Variants in ADAMTS2 observed in about 807,000 individuals in gnomAD.
ADAMTS2 encodes A disintegrin and metalloproteinase with thrombospondin motifs 2.
In ADAMTS2, 50 loss-of-function variants were observed where a neutral mutation model predicts 123.0. The observed-to-expected ratio is 0.41, with a 90% CI of 0.32 to 0.51. ADAMTS2 has a LOEUF of 0.51. Among genes scored for constraint, ADAMTS2 ranks in the 20% least tolerant of loss-of-function variants. The pLI is 0.35. For missense variants in ADAMTS2, 1,494 were observed against 1,705.2 expected (o/e 0.88, Z 2.18); for synonymous variants, 678 against 695.4 (o/e 0.98, Z 0.39).
chr5:179,227,137 A>G (rs1260901433), intron 3 of ADAMTS2, among the ~76,000 whole-genome samples: 1 of 152,232 alleles, frequency 6.6e-6, no homozygotes, highest in Non-Finnish European at 1.5e-5. Context: ...GTATATATAT[A>G]TACTTGTGTG....
intron 21 of ADAMTS2, chr5:179,120,603 T>C (rs913926968): frequency 1.4e-4 from 22 of 151,898 alleles, no homozygotes; most frequent in African/African-American, 5.1e-4. Flanking sequence ...GGAGGAGTGC[T>C]ACATGGATCG....
chr5:179,266,030 C>A (rs966192275), intron 3 of ADAMTS2, among the ~76,000 whole-genome samples: 2 of 152,196 alleles, frequency 1.3e-5, no homozygotes, highest in Non-Finnish European at 2.9e-5. Flanking sequence ...GCACCTATCA[C>A]CACGCCAGAG....
At position 179,341,073 on chromosome 5, in the gene ADAMTS2, G is replaced by A. The variant is rs556682561; in HGVS notation, c.534+2694C>T. On this transcript the variant is annotated intron_variant, in intron 2 of 21. Transcript: ENST00000251582. Reference sequence around the variant, plus strand: ...CTCCCAGAGCCTGAGTGCTCCACCTGTAACCAGGGATGAGATGCCTCCCCG... The same window carrying A: ...CTCCCAGAGCCTGAGTGCTCCACCTATAACCAGGGATGAGATGCCTCCCCG... 8.5e-5 allele frequency among the ~76,000 whole-genome samples: 13 copies of A among 152,286 alleles called. No individual in the cohort carries two copies. In the South Asian group the frequency reaches 2.3e-3, roughly 27 times the overall value.
chr5:179,315,044 C>CG (rs1193391172), intron 2 of ADAMTS2, among the ~76,000 whole-genome samples: 1 of 150,900 alleles, frequency 6.6e-6, no homozygotes, highest in Non-Finnish European at 1.5e-5. Context: ...ACCCACCCCC[C>CG]CCACAATCCC....
At chr5:179,284,662 C>A (rs543798817) in intron 2 of ADAMTS2, among the ~76,000 whole-genome samples, 1 of 152,304 alleles carries the variant, frequency 6.6e-6, no homozygotes, top group South Asian at 2.1e-4. Flanking sequence ...GCTGGGATTA[C>A]AGGTGTGAAC....
intron 6 of ADAMTS2, among the ~76,000 whole-genome samples, chr5:179,156,954 A>AT (rs1763482955): frequency 6.1e-5 from 6 of 98,988 alleles, no homozygotes; most frequent in South Asian, 3.3e-4. Context: ...CTGTCCTTTC[A>AT]TTTTTTCTTT....
chr5:179,148,932 C>T (rs756824902), intron 10 of ADAMTS2, among the ~76,000 whole-genome samples: 1 of 145,224 alleles, frequency 6.9e-6, no homozygotes, highest in Non-Finnish European at 1.5e-5. Context: ...AGGCCTGGCT[C>T]CCGGCCCCTG....
At chr5:179,174,245 AT>A (rs970844572) in intron 5 of ADAMTS2, among the ~76,000 whole-genome samples, 2 of 151,828 alleles carry the variant, frequency 1.3e-5, no homozygotes, top group East Asian at 1.9e-4. Context: ...AGCCACTTGG[AT>A]TTTTTTCTTT....
intron 2 of ADAMTS2, among the ~76,000 whole-genome samples, chr5:179,284,892 G>A (rs567272988): frequency 6.6e-6 from 1 of 152,258 alleles, no homozygotes; most frequent in East Asian, 1.9e-4. Context: ...TGTGCCAAAC[G>A]TCAGCACAGT....
At chr5:179,212,228 AGTGGGCAGGCACGGGCTCT>A (rs1474093291) in intron 3 of ADAMTS2, among the ~76,000 whole-genome samples, 2,770 of 150,128 alleles carry the variant, frequency 0.018, 168 homozygotes, top group African/African-American at 0.062. Flanking sequence ...GGGCAGGTGC[AGTGGGCAGGCACGGGCTCT>A]GTGGGCAGGT....
rs576544587 is a variant in ADAMTS2 at position 179,314,620 on chromosome 5, G to C, written c.534+29147C>G. On this transcript the variant is annotated intron_variant, in intron 2 of 21. Transcript: ENST00000251582. This position sits in a 1 kb window ranked among gnomAD's most constrained non-coding sequence, Gnocchi z 4.5. The stretch of plus-strand genomic sequence containing the variant: ...ACTGTCTCCCTTTTACAGATGAGGT[G>C]AGACAGCATGCAGAGGCCCATGTGC... Among the ~76,000 whole-genome samples, 1 of 152,150 alleles carries C rather than the reference G, an allele frequency of 6.6e-6. No homozygotes were observed. Among genetic ancestry groups the C allele is most frequent in the African/African-American group, 2.4e-5 (1 of 41,434 alleles).
chr5:179,275,635 T>C (rs1015890890), intron 2 of ADAMTS2, among the ~76,000 whole-genome samples: 1 of 151,996 alleles, frequency 6.6e-6, no homozygotes, highest in Non-Finnish European at 1.5e-5. Flanking sequence ...GCTTTGGAGA[T>C]TGGAGCGATG....
At chr5:179,205,467 A>G (rs1764658516) in intron 4 of ADAMTS2, among the ~76,000 whole-genome samples, 1 of 152,240 alleles carries the variant, frequency 6.6e-6, no homozygotes, top group South Asian at 2.1e-4. Flanking sequence ...TGAGAAAACT[A>G]AGGCTCAGAG....
chr5:179,165,309 G>A (rs1763675802), intron 5 of ADAMTS2, among the ~76,000 whole-genome samples: 1 of 152,236 alleles, frequency 6.6e-6, no homozygotes, highest in Admixed American at 6.5e-5. Context: ...CCCTGAGCGA[G>A]AAGAAGACAC....
At chr5:179,284,024 C>T (rs1755925648) in intron 2 of ADAMTS2, among the ~76,000 whole-genome samples, 1 of 148,348 alleles carries the variant, frequency 6.7e-6, no homozygotes, top group Admixed American at 6.8e-5. Flanking sequence ...AGAGAGATAC[C>T]CTGTCTCAAA....
At position 179,207,497 on chromosome 5, in the gene ADAMTS2, CA is replaced by C; in HGVS notation, c.891+15del. ...CCCTCCCCGCCCCACCCTGCCCCCT[CA>C]GCCACCCCACTCACAATGTTCATGA... On this transcript the variant is annotated intron_variant, in intron 4 of 21. Coordinates refer to ENST00000251582, the MANE Select transcript of ADAMTS2 (RefSeq NM_014244.5). The C allele has an allele frequency of 6.6e-7, 1 of 1,511,488 alleles. No homozygotes were observed. Among genetic ancestry groups the C allele is most frequent in the Non-Finnish European group, 9.1e-7 (1 of 1,099,316 alleles). 93.6% of individuals were successfully genotyped at this position (1,511,488 alleles called of 1,614,324 possible). A position where few individuals can be genotyped will look rare whatever the true frequency, so the allele number is the denominator to read the frequency against.
Position 179,178,997 on chromosome 5 carries a change from C to T in ADAMTS2, c.975+2075G>A, listed in dbSNP as rs139546501. ...CCTTGCTCTGTTACCCAGGCTGGAG[C>T]GCAGTGGTGTGATCTCAGCTCACTG... On this transcript the variant is annotated intron_variant, in intron 5 of 21. Coordinates refer to ENST00000251582, the MANE Select transcript of ADAMTS2 (RefSeq NM_014244.5). Among the ~76,000 whole-genome samples, 590 of 152,260 alleles carry T rather than the reference C, an allele frequency of 3.9e-3. 1 individual carries two copies. The highest frequency in any genetic ancestry group is 0.013 in the African/African-American group (551 of 41,544).
rs1243266375 is a variant in ADAMTS2 at position 179,189,509 on chromosome 5, GGTT to G, written c.892-8357_892-8355del. Among the ~76,000 whole-genome samples, 1 of 52,548 alleles carries G rather than the reference GGTT, an allele frequency of 1.9e-5. No individual in the cohort carries two copies. Among genetic ancestry groups the G allele is most frequent in the Non-Finnish European group, 3.1e-5 (1 of 31,778 alleles). 34.5% of individuals were successfully genotyped at this position (52,548 alleles called of 152,430 possible). A position where few individuals can be genotyped will look rare whatever the true frequency, so the allele number is the denominator to read the frequency against. Reference sequence around the variant, plus strand: ...GCTACAGGCGCCCGCCAGTGCGCCTGGTTTTTTTTTTTTTTTTTTTTTTTTTTT... The same window carrying G: ...GCTACAGGCGCCCGCCAGTGCGCCTGTTTTTTTTTTTTTTTTTTTTTTTTT... On this transcript the variant is annotated intron_variant, in intron 4 of 21. Coordinates refer to ENST00000251582, the MANE Select transcript of ADAMTS2 (RefSeq NM_014244.5). This position sits in a 1 kb window ranked among gnomAD's most constrained non-coding sequence, Gnocchi z 4.2.
intron 2 of ADAMTS2, among the ~76,000 whole-genome samples, chr5:179,323,344 G>A (rs1371234646): frequency 6.6e-6 from 1 of 152,262 alleles, no homozygotes; most frequent in Non-Finnish European, 1.5e-5. Context: ...TCCAGCTGTA[G>A]GACTCCCAAG....
Sources: gnomAD v4.1 joint callset for allele counts (sites outside exome capture counted in the v4.1 genomes callset) on GRCh38, gnomAD v4.1.1 for gene constraint, Gnocchi (gnomAD v3.1) non-coding constraint, MANE v1.5 for transcripts, NCBI Gene and HGNC (gene_info 2026-07-23, HGNC 2026-07-21) for gene names.